Variants in RBFOX1 observed in about 807,000 individuals in gnomAD.
RBFOX1 encodes the protein RNA binding fox-1 homolog 1, also known as RNA binding protein fox-1 homolog 1.
Under a neutral mutation model 57.7 loss-of-function variants are expected in RBFOX1, and 8 were observed. That is an observed-to-expected ratio of 0.14 (90% CI 0.08 to 0.25). The LOEUF is 0.25. Among genes scored for constraint, RBFOX1 ranks in the 10% least tolerant of loss-of-function variants. The pLI, the probability that RBFOX1 is intolerant of heterozygous loss-of-function variation, is 1.00. For synonymous variants in RBFOX1, 326 were observed against 222.4 expected (o/e 1.47, Z -4.15); for missense variants, 611 against 548.5 (o/e 1.11, Z -1.14).
intron 1 of RBFOX1, among the ~76,000 whole-genome samples, chr16:5,283,175 G>T (rs894077149): frequency 6.6e-6 from 1 of 152,190 alleles, no homozygotes; most frequent in African/African-American, 2.4e-5. Context: ...TTGAGGTTTG[G>T]GAACCACTGC....
intron 4 of RBFOX1, among the ~76,000 whole-genome samples, chr16:7,445,416 A>G (rs1024675293): frequency 1.4e-4 from 22 of 152,210 alleles, no homozygotes; most frequent in African/African-American, 5.1e-4. Context: ...TGAAAGTAGG[A>G]ATCACAATAT....
At chr16:5,980,965 A>G (rs941620909) in intron 4 of RBFOX1, among the ~76,000 whole-genome samples, 4 of 152,140 alleles carry the variant, frequency 2.6e-5, no homozygotes, top group South Asian at 2.1e-4. Flanking sequence ...GTGGAGTTTC[A>G]GAAGTCAGAG....
At chr16:6,338,691 T>G (rs1462315699) in intron 2 of RBFOX1, among the ~76,000 whole-genome samples, 1 of 152,214 alleles carries the variant, frequency 6.6e-6, no homozygotes, top group Non-Finnish European at 1.5e-5. Context: ...TTCTAAGACA[T>G]ACAATGGCAC....
chr16:6,892,767 C>T (rs1320977691), intron 3 of RBFOX1, among the ~76,000 whole-genome samples: 6 of 89,132 alleles, frequency 6.7e-5, no homozygotes, highest in Non-Finnish European at 1.1e-4. Context: ...TCAAAGCCTC[C>T]CTGTCTCCCT....
At chr16:7,065,636 A>G (rs1418035217) in intron 4 of RBFOX1, among the ~76,000 whole-genome samples, 1 of 152,192 alleles carries the variant, frequency 6.6e-6, no homozygotes, top group East Asian at 1.9e-4. Context: ...GACCTCACAT[A>G]CTTACCTTAT....
intron 4 of RBFOX1, among the ~76,000 whole-genome samples, chr16:7,132,692 T>A (rs1013728316): frequency 6.6e-6 from 1 of 151,962 alleles, no homozygotes; most frequent in Non-Finnish European, 1.5e-5. Context: ...GCATGGATAT[T>A]CCTTGAGGAA....
chr16:6,289,374 A>G lies in RBFOX1; in HGVS notation c.-126-27621A>G, dbSNP rs549007108. Among the ~76,000 whole-genome samples, 15 of 152,246 alleles carry G rather than the reference A, an allele frequency of 9.9e-5. No individual in the cohort carries two copies. The East Asian group carries it at 2.9e-3, about 30-fold the overall frequency. On this transcript the variant is annotated intron_variant, in intron 1 of 15. Transcript: ENST00000550418. ...GCAAAGTATAATGCCCTTCCCTCCC[A>G]AAAGTGTACCCTTTGCAGAATCAGT... is the stretch of plus-strand genomic sequence containing the variant.
chr16:5,573,235 G>A (rs1050858355), intron 2 of RBFOX1, among the ~76,000 whole-genome samples: 8 of 152,114 alleles, frequency 5.3e-5, no homozygotes, highest in Non-Finnish European at 1.2e-4. Context: ...ATGCAAAAAG[G>A]GAGTGTCCAC....
chr16:7,386,740 T>C (rs2097889466), intron 4 of RBFOX1, among the ~76,000 whole-genome samples: 1 of 152,148 alleles, frequency 6.6e-6, no homozygotes, highest in African/African-American at 2.4e-5. Flanking sequence ...TGGGTATATA[T>C]CCAGTAATGG....
chr16:7,220,173 A>G (rs748591037), intron 4 of RBFOX1, among the ~76,000 whole-genome samples: 14 of 152,306 alleles, frequency 9.2e-5, no homozygotes, highest in Admixed American at 2.6e-4. Context: ...CCATCATGAC[A>G]AAAGTGCAGG....
intron 1 of RBFOX1, among the ~76,000 whole-genome samples, chr16:6,226,419 G>A (rs900341052): frequency 4.8e-5 from 7 of 146,116 alleles, no homozygotes; most frequent in East Asian, 2.0e-4. Flanking sequence ...TAAATTTTCA[G>A]CAATGTGAAG....
In RBFOX1 at chr16:6,845,560, C is replaced by G. The variant is rs562929511; in HGVS notation, c.-16+190910C>G. ...CGTTGTGTCTGTTTTTGCACCAGTGCCATGCTGTTTTGGTTATTGTAGCCT... is the reference window on the plus strand; with the variant it reads ...CGTTGTGTCTGTTTTTGCACCAGTGGCATGCTGTTTTGGTTATTGTAGCCT... On this transcript the variant is annotated intron_variant, in intron 3 of 15. Transcript: ENST00000550418. 2.0e-5 allele frequency among the ~76,000 whole-genome samples: 3 copies of G among 152,240 alleles called. No individual in the cohort carries two copies. The South Asian group carries it at 6.2e-4, about 32-fold the overall frequency.
chr16:7,113,659 C>G (rs1398322446), intron 4 of RBFOX1, among the ~76,000 whole-genome samples: 1 of 152,176 alleles, frequency 6.6e-6, no homozygotes, highest in African/African-American at 2.4e-5. Context: ...TCCTTCCACC[C>G]AAGAAACACA....
rs2096264157 is a variant in RBFOX1, at chr16:6,097,899, C to G, written c.-127+77907C>G. On this transcript the variant is annotated intron_variant, in intron 1 of 15. Transcript: ENST00000550418. This position sits in a 1 kb window ranked among gnomAD's most constrained non-coding sequence, Gnocchi z 5.0. Reference sequence around the variant, plus strand: ...ATGGCTATTTTGCGATTTGCCATTGCTGGAATATTTAGCAAGCATCAATGA... The same window carrying G: ...ATGGCTATTTTGCGATTTGCCATTGGTGGAATATTTAGCAAGCATCAATGA... 6.6e-6 allele frequency among the ~76,000 whole-genome samples: 1 copy of G among 152,014 alleles called. No individual in the cohort carries two copies. Among genetic ancestry groups the G allele is most frequent in the African/African-American group, 2.4e-5 (1 of 41,404 alleles).
chr16:7,707,292 G>A (rs1598622341), intron 14 of RBFOX1, among the ~76,000 whole-genome samples: 1 of 152,054 alleles, frequency 6.6e-6, no homozygotes, highest in South Asian at 2.1e-4. Flanking sequence ...CCATCATCAC[G>A]CTTTCTTCAC....
intron 3 of RBFOX1, among the ~76,000 whole-genome samples, chr16:6,693,239 T>TCAC: frequency 6.8e-6 from 1 of 147,108 alleles, no homozygotes; most frequent in Admixed American, 6.8e-5. Context: ...TCCACTACCA[T>TCAC]CACCACCATC....
intron 3 of RBFOX1, among the ~76,000 whole-genome samples, chr16:6,782,724 G>T (rs984412872): frequency 6.6e-6 from 1 of 152,118 alleles, no homozygotes; most frequent in Non-Finnish European, 1.5e-5. Context: ...GAAATGTTTT[G>T]TAAATGTCTA....
Position 7,410,222 on chromosome 16 carries a change from A to G in RBFOX1, c.28-107925A>G, listed in dbSNP as rs532250537. The stretch of plus-strand genomic sequence containing the variant: ...TGGGTGACCGCTATGGTCCAGGCAC[A>G]GTGCTGTAGGCACTGCATATGTGTT... On this transcript the variant is annotated intron_variant, in intron 4 of 15. Transcript: ENST00000550418. Among the ~76,000 whole-genome samples the G allele has an allele frequency of 8.5e-5, 13 of 152,348 alleles. No individual in the cohort carries two copies. In the South Asian group the frequency reaches 2.7e-3, roughly 32 times the overall value.
intron 3 of RBFOX1, chr16:5,632,454 C>T (rs1383655495): frequency 6.6e-6 from 1 of 152,208 alleles, no homozygotes; most frequent in Non-Finnish European, 1.5e-5. Flanking sequence ...AAGTGCATAG[C>T]ATAGTGACAG....
Sources: gnomAD v4.1 joint callset for allele counts (sites outside exome capture counted in the v4.1 genomes callset) on GRCh38, gnomAD v4.1.1 for gene constraint, Gnocchi (gnomAD v3.1) non-coding constraint, MANE v1.5 for transcripts, NCBI Gene and HGNC (gene_info 2026-07-23, HGNC 2026-07-21) for gene names.